Variants in MX1 observed in about 807,000 individuals in gnomAD.
MX1 encodes the protein MX dynamin like GTPase 1.
In MX1, 66 loss-of-function variants were observed where a neutral mutation model predicts 66.4. That is an observed-to-expected ratio of 0.99 (90% CI 0.82 to 1.22). MX1 has a LOEUF of 1.22. Ranked by LOEUF, MX1 falls within the 50% of genes most tolerant of loss-of-function variation. MX1 has a pLI of 0.00. For missense variants in MX1, 787 were observed against 834.3 expected (o/e 0.94, Z 0.70); for synonymous variants, 311 against 318.1 (o/e 0.98, Z 0.24).
At position 41,441,576 on chromosome 21, in the gene MX1, C is replaced by T. The variant is rs1005898756; in HGVS notation, c.731-140C>T. The T allele has an allele frequency of 7.1e-6, 6 of 848,386 alleles. No individual in the cohort carries two copies. Among genetic ancestry groups the T allele is most frequent in the African/African-American group, 1.7e-5 (1 of 59,838 alleles). The allele number at this position is 848,386 out of a possible 1,614,324, so 52.6% of individuals were successfully genotyped here. A position where few individuals can be genotyped will look rare whatever the true frequency, so the allele number is the denominator to read the frequency against. The stretch of plus-strand genomic sequence containing the variant: ...TTTCTGGAGCGGGGCTCCACTGCCC[C>T]CATGGTTCTGCAGGGGCTATGGCCT... On this transcript the variant is annotated intron_variant, in intron 9 of 16. Coordinates refer to ENST00000398598, the MANE Select transcript of MX1 (RefSeq NM_002462.5). The surrounding 1 kb of genome is among the most constrained non-coding windows in gnomAD (Gnocchi z 4.0).
intron 2 of MX1, 86 bp from the exon 3 acceptor site, chr21:41,427,669 C>T (rs1220360169): frequency 6.6e-6 from 1 of 151,880 alleles, no homozygotes; most frequent in Non-Finnish European, 1.5e-5. Flanking sequence ...CATCCCTGCT[C>T]CTCTATGGGG....
intron 6 of MX1, among the ~76,000 whole-genome samples, 178 bp downstream of exon 6, chr21:41,436,207 C>T (rs186596934): frequency 4.2e-4 from 64 of 152,316 alleles, no homozygotes; most frequent in Non-Finnish European, 7.9e-4. Flanking sequence ...ACCTCCTCAC[C>T]GCTCCCCCAT....
intron 15 of MX1, among the ~76,000 whole-genome samples, chr21:41,452,222 C>T (rs1178611716): frequency 3.9e-5 from 6 of 152,196 alleles, no homozygotes; most frequent in African/African-American, 1.4e-4. Context: ...ACCCCGGGAA[C>T]ATAAAACATA....
chr21:41,447,500 T>C (rs564234304), intron 13 of MX1, among the ~76,000 whole-genome samples: 9 of 152,228 alleles, frequency 5.9e-5, no homozygotes, highest in African/African-American at 2.2e-4. Flanking sequence ...GAAAATGTCA[T>C]GCTGAGTGAA....
intron 7 of MX1, among the ~76,000 whole-genome samples, chr21:41,438,184 TA>T (rs544140287): frequency 3.9e-5 from 6 of 152,382 alleles, no homozygotes; most frequent in Admixed American, 2.6e-4. Context: ...GATGGAGCAT[TA>T]ATCACATTTG....
At chr21:41,425,649 C>A (rs2090044743), upstream of MX1, among the ~76,000 whole-genome samples, 1 of 151,976 alleles carries the variant, frequency 6.6e-6, no homozygotes, top group Non-Finnish European at 1.5e-5. Flanking sequence ...TTTTATTTTC[C>A]TTCCACACAC....
intron 5 of MX1, among the ~76,000 whole-genome samples, chr21:41,432,693 G>C (rs2090254265): frequency 6.6e-6 from 1 of 152,152 alleles, no homozygotes; most frequent in Admixed American, 6.5e-5. Context: ...TATTCCTCCT[G>C]TTATAAGCCT....
chr21:41,454,176 A>G (rs529104839), intron 16 of MX1, among the ~76,000 whole-genome samples: 5 of 152,276 alleles, frequency 3.3e-5, no homozygotes, highest in Admixed American at 2.6e-4. Context: ...TCCACAAAAT[A>G]TATTTTTAGG....
At position 41,436,675 on chromosome 21, in the gene MX1, G is replaced by T. The variant is rs2090371532; in HGVS notation, c.299-340G>T. Among the ~76,000 whole-genome samples, 4 of 152,122 alleles carry T rather than the reference G, an allele frequency of 2.6e-5. 1 individual carries two copies. The South Asian group carries it at 8.3e-4, about 32-fold the overall frequency. The stretch of plus-strand genomic sequence containing the variant: ...ATGGGGGTAGAGTGTGTATGCTGGG[G>T]GGATAATGGAAGATGTTCGGATGAG... On this transcript the variant is annotated intron_variant, in intron 6 of 16. Transcript: ENST00000398598.
At chr21:41,443,723 C>A in intron 10 of MX1, 65 bp from the exon 11 acceptor site, 2 of 1,523,608 alleles carry the variant, frequency 1.3e-6, no homozygotes, top group Non-Finnish European at 1.8e-6. Flanking sequence ...TCCCCAACAG[C>A]AAAAAGGCAG....
chr21:41,443,624 A>G (rs2090577647), intron 10 of MX1, 164 bp from the exon 11 acceptor site: 1 of 677,992 alleles, frequency 1.5e-6, no homozygotes, highest in East Asian at 2.5e-5. Flanking sequence ...TTCAGTCATA[A>G]TCCTATTCAA....
Position 41,441,545 on chromosome 21 carries a change from A to C in MX1, c.731-171A>C. ...CCTGCCTTCACGCGGCTTGTCGTGG[A>C]GTTCTTTTCTGGAGCGGGGCTCCAC... On this transcript the variant is annotated intron_variant, in intron 9 of 16. Transcript: ENST00000398598. This position sits in a 1 kb window ranked among gnomAD's most constrained non-coding sequence, Gnocchi z 4.0. 1 of 665,428 alleles carries C rather than the reference A, an allele frequency of 1.5e-6. No homozygotes were observed. The highest frequency in any genetic ancestry group is 2.6e-6 in the Non-Finnish European group (1 of 379,840). 41.2% of individuals were successfully genotyped at this position (665,428 alleles called of 1,614,324 possible). A position where few individuals can be genotyped will look rare whatever the true frequency, so the allele number is the denominator to read the frequency against.
intron 11 of MX1, among the ~76,000 whole-genome samples, chr21:41,444,318 C>CTTTTTTTTTTTTTTTTTTTTT (rs11317486): frequency 1.4e-5 from 1 of 71,524 alleles, no homozygotes; most frequent in Non-Finnish European, 2.4e-5. Flanking sequence ...TCTTTTCTTT[C>CTTTTTTTTTTTTTTTTTTTTT]TTTTTTTTTT....
At chr21:41,432,761 G>A (rs1386434328) in intron 5 of MX1, among the ~76,000 whole-genome samples, 1 of 152,212 alleles carries the variant, frequency 6.6e-6, no homozygotes, top group African/African-American at 2.4e-5. Flanking sequence ...TGAGAGCAAA[G>A]TGCAGGGAGT....
chr21:41,423,741 C>T (rs2090016531), upstream of MX1, among the ~76,000 whole-genome samples: 1 of 152,194 alleles, frequency 6.6e-6, no homozygotes, highest in South Asian at 2.1e-4. Flanking sequence ...AAAACAACCA[C>T]CTATACTCCC....
At chr21:41,451,468 C>T (rs3737401) in intron 15 of MX1, among the ~76,000 whole-genome samples, 76,554 of 151,530 alleles carry the variant, frequency 0.51, 20,620 homozygotes, top group African/African-American at 0.71. Flanking sequence ...CCACAGTTAG[C>T]GGAGAAGATT....
At chr21:41,438,369 T>A (rs973598502) in intron 7 of MX1, among the ~76,000 whole-genome samples, 1 of 152,236 alleles carries the variant, frequency 6.6e-6, no homozygotes, top group South Asian at 2.1e-4. Flanking sequence ...TTCTCATGAT[T>A]TGATGGACCA....
At chr21:41,453,915 G>A (rs2090896946) in intron 16 of MX1, among the ~76,000 whole-genome samples, 1 of 152,052 alleles carries the variant, frequency 6.6e-6, no homozygotes, top group African/African-American at 2.4e-5. Context: ...TTAAGGCAGT[G>A]TTAGAGGCCA....
chr21:41,435,148 C>T (rs1022111875), intron 5 of MX1, among the ~76,000 whole-genome samples: 1 of 152,164 alleles, frequency 6.6e-6, no homozygotes, highest in African/African-American at 2.4e-5. Context: ...TCATTTGTGT[C>T]CCTCTGCTCA....
Sources: gnomAD v4.1 joint callset for allele counts (sites outside exome capture counted in the v4.1 genomes callset) on GRCh38, gnomAD v4.1.1 for gene constraint, Gnocchi (gnomAD v3.1) non-coding constraint, MANE v1.5 for transcripts, NCBI Gene and HGNC (gene_info 2026-07-23, HGNC 2026-07-21) for gene names.